The following DOCK1 variants were observed in gnomAD, a reference collection of about 807,000 sequenced individuals.
The protein encoded by DOCK1 is dedicator of cytokinesis protein 1.
Under a neutral mutation model 262.7 loss-of-function variants are expected in DOCK1, and 138 were observed. The ratio of observed to expected loss-of-function variants is 0.53; its 90% confidence interval spans 0.46 to 0.61. The LOEUF is 0.61. Among genes scored for constraint, DOCK1 ranks in the 20% least tolerant of loss-of-function variants. The pLI, the probability that DOCK1 is intolerant of heterozygous loss-of-function variation, is 0.00. For missense variants in DOCK1, 1,908 were observed against 2,370.7 expected, an observed-to-expected ratio of 0.80 and a Z score of 4.05; for synonymous variants, 866 against 867.4, an observed-to-expected ratio of 1.00 and a Z score of 0.03.
chr10:127,097,799 A>G (rs1218162957), intron 23 of DOCK1, among the ~76,000 whole-genome samples: 1 of 152,286 alleles, frequency 6.6e-6, no homozygotes, highest in East Asian at 1.9e-4. Flanking sequence ...CTTAATGAAC[A>G]GGCGAAGAGT....
At chr10:126,909,607 G>A (rs2031461880) in intron 1 of DOCK1, among the ~76,000 whole-genome samples, 1 of 152,170 alleles carries the variant, frequency 6.6e-6, no homozygotes, top group Non-Finnish European at 1.5e-5. Context: ...TCTCAAATGG[G>A]ATGGGGCATT....
chr10:127,400,470 A>G (rs541334322), intron 38 of DOCK1, among the ~76,000 whole-genome samples: 112 of 152,340 alleles, frequency 7.4e-4, no homozygotes, highest in Non-Finnish European at 1.3e-3. Context: ...GAGGTGGGGA[A>G]GCAGCTTGGA....
At chr10:127,040,055 G>A (rs2043917054) in intron 19 of DOCK1, among the ~76,000 whole-genome samples, 1 of 152,184 alleles carries the variant, frequency 6.6e-6, no homozygotes, top group African/African-American at 2.4e-5. Context: ...CTGTGCCACT[G>A]ACCATGTCAT....
At position 126,948,984 on chromosome 10, in the gene DOCK1, C is replaced by G. The variant is rs1291875563; in HGVS notation, c.47-21718C>G. Reference sequence around the variant, plus strand: ...AATCCCTTTCAGTGGCCCGGGCCCACCCCCTGGACCCTGTTCCCTTTGTAA... The same window carrying G: ...AATCCCTTTCAGTGGCCCGGGCCCAGCCCCTGGACCCTGTTCCCTTTGTAA... On this transcript the variant is annotated intron_variant, in intron 1 of 51. Transcript: ENST00000623213. 2.0e-5 allele frequency among the ~76,000 whole-genome samples: 3 copies of G among 152,178 alleles called. No homozygotes were observed. In the East Asian group the frequency reaches 5.8e-4, roughly 29 times the overall value.
intron 29 of DOCK1, among the ~76,000 whole-genome samples, chr10:127,304,726 A>G (rs749244114): frequency 6.6e-5 from 10 of 152,240 alleles, no homozygotes; most frequent in South Asian, 2.1e-4. Context: ...CTCTACAAAA[A>G]ATAAAATTAG....
chr10:126,949,756 C>T (rs2036025833), intron 1 of DOCK1, among the ~76,000 whole-genome samples: 2 of 152,120 alleles, frequency 1.3e-5, no homozygotes, highest in Admixed American at 6.6e-5. Context: ...TTGCTTGTGA[C>T]AGTCCTTGTA....
intron 31 of DOCK1, among the ~76,000 whole-genome samples, chr10:127,353,791 G>A (rs1213693498): frequency 6.6e-6 from 1 of 152,174 alleles, no homozygotes; most frequent in East Asian, 1.9e-4. Flanking sequence ...GGTGCTTAGG[G>A]CACCAGAGTC....
intron 37 of DOCK1, among the ~76,000 whole-genome samples, 174 bp from the exon 38 acceptor site, chr10:127,384,616 C>A (rs1472647669): frequency 2.6e-5 from 4 of 152,226 alleles, no homozygotes; most frequent in Non-Finnish European, 4.4e-5. Flanking sequence ...GTCTTTTATG[C>A]CTGTCGGTAT....
intron 23 of DOCK1, among the ~76,000 whole-genome samples, chr10:127,072,203 T>G (rs1444700150): frequency 6.6e-6 from 1 of 152,216 alleles, no homozygotes; most frequent in Non-Finnish European, 1.5e-5. Flanking sequence ...CTCAGAGTTA[T>G]GCTTAGTACC....
chr10:127,101,010 G>A (rs2048208710), intron 23 of DOCK1, among the ~76,000 whole-genome samples: 1 of 152,066 alleles, frequency 6.6e-6, no homozygotes, highest in Non-Finnish European at 1.5e-5. Context: ...AGAACTGAAG[G>A]CTCTGAGGAG....
chr10:127,401,536 G>A (rs533055049), intron 38 of DOCK1, among the ~76,000 whole-genome samples: 23 of 152,094 alleles, frequency 1.5e-4, no homozygotes, highest in Non-Finnish European at 2.8e-4. Flanking sequence ...CCCCTTTTCC[G>A]GTGGAATGCC....
chr10:127,366,604 C>A (rs1399971676), intron 33 of DOCK1, among the ~76,000 whole-genome samples: 1 of 152,234 alleles, frequency 6.6e-6, no homozygotes, highest in Non-Finnish European at 1.5e-5. Flanking sequence ...TAAGTCCTTT[C>A]TGACTCCAGT....
intron 29 of DOCK1, 82 bp downstream of exon 29, chr10:127,257,511 C>A: frequency 1.5e-6 from 2 of 1,291,866 alleles, no homozygotes; most frequent in South Asian, 1.3e-5. Flanking sequence ...GCCTGGAGAC[C>A]AAGCTGGCTT....
intron 29 of DOCK1, among the ~76,000 whole-genome samples, chr10:127,280,191 C>T (rs892557703): frequency 6.6e-6 from 1 of 151,402 alleles, no homozygotes; most frequent in Non-Finnish European, 1.5e-5. Context: ...CCCGCCACCG[C>T]ACCCGGCTAA....
intron 29 of DOCK1, chr10:127,272,113 C>G (rs1357044119): frequency 1.3e-5 from 2 of 152,174 alleles, no homozygotes; most frequent in East Asian, 3.8e-4. Flanking sequence ...CATAAGACTT[C>G]AGAGAAGGTT....
intron 27 of DOCK1, among the ~76,000 whole-genome samples, chr10:127,219,609 T>G (rs1564912402): frequency 6.6e-6 from 1 of 152,188 alleles, no homozygotes; most frequent in Admixed American, 6.5e-5. Flanking sequence ...AGACTAAAAC[T>G]CTCTACCCAT....
intron 14 of DOCK1, among the ~76,000 whole-genome samples, chr10:127,024,072 C>T (rs1340636353): frequency 2.6e-5 from 4 of 152,182 alleles, no homozygotes; most frequent in Non-Finnish European, 2.9e-5. Flanking sequence ...CTCTGATGAC[C>T]AGAGGTCAAA....
At chr10:127,365,800 T>C (rs117892957) in intron 33 of DOCK1, among the ~76,000 whole-genome samples, 8,016 of 152,230 alleles carry the variant, frequency 0.053, 287 homozygotes, top group South Asian at 0.15. Flanking sequence ...AGTGCTTCAT[T>C]TTCTCCAGTT....
intron 29 of DOCK1, among the ~76,000 whole-genome samples, chr10:127,309,376 C>T (rs2061983892): frequency 6.6e-6 from 1 of 152,134 alleles, no homozygotes; most frequent in African/African-American, 2.4e-5. Context: ...AATTTTCTCC[C>T]ATTCTGTAGG....
Sources: allele counts gnomAD v4.1 joint callset (sites outside exome capture counted in the v4.1 genomes callset), GRCh38; gene constraint gnomAD v4.1.1; transcripts MANE v1.5; gene names NCBI Gene and HGNC (gene_info 2026-07-23, HGNC 2026-07-21).